ABCC3: variants seen among roughly 807,000 people sequenced by gnomAD.
ABCC3 encodes the protein ATP-binding cassette sub-family C member 3.
In ABCC3, 121 loss-of-function variants were observed where a neutral mutation model predicts 165.3. The ratio of observed to expected loss-of-function variants is 0.73; its 90% CI spans 0.63 to 0.85. The LOEUF (loss-of-function observed/expected upper bound fraction) is 0.85. Ranked by LOEUF, ABCC3 falls within the 40% of genes least tolerant of loss-of-function variation. The pLI is 0.00. For missense variants in ABCC3, 1,869 were observed against 1,964.1 expected (o/e 0.95, Z 0.92); for synonymous variants, 733 against 810.1 (o/e 0.90, Z 1.62).
At chr17:50,671,275 A>AG (rs1480505955) in intron 17 of ABCC3, among the ~76,000 whole-genome samples, 17 of 150,790 alleles carry the variant, frequency 1.1e-4, no homozygotes, top group African/African-American at 4.1e-4. Context: ...AAAAAAAAAG[A>AG]AAAAAAAACT....
intron 1 of ABCC3, among the ~76,000 whole-genome samples, chr17:50,646,903 G>A (rs558245272): frequency 1.3e-5 from 2 of 151,942 alleles, no homozygotes; most frequent in Admixed American, 6.6e-5. Context: ...TTTTTGAGAC[G>A]GAGTCTCCCT....
At chr17:50,657,782 A>C (rs1433494035) in intron 4 of ABCC3, among the ~76,000 whole-genome samples, 3 of 152,144 alleles carry the variant, frequency 2.0e-5, no homozygotes, top group African/African-American at 4.8e-5. Context: ...TCATTTCCTT[A>C]ATTGCAGAAA....
Position 50,683,615 on chromosome 17 carries a change from C to G in ABCC3, c.3813C>G (p.Pro1271=). 1.3e-6 allele frequency: 2 copies of G among 1,571,134 alleles called. No individual in the cohort carries two copies. The highest frequency in any genetic ancestry group is 1.7e-6 in the Non-Finnish European group (2 of 1,159,674). Residue 1271 remains proline, a synonymous_variant, in exon 27 of 31, where the codon CCC becomes CCG. Transcript: ENST00000285238. ...KEYSKTETEA[P]WVVEGSRPPE... ...CCATCTGCCCCTCCTGCCAGGCGCC[C>G]TGGGTGGTGGAAGGCAGCCGCCCTC...
At chr17:50,658,697 GC>G (rs1275021202) in intron 6 of ABCC3, among the ~76,000 whole-genome samples, 1 of 152,236 alleles carries the variant, frequency 6.6e-6, no homozygotes, top group East Asian at 1.9e-4. Context: ...GCCCAGTGCC[GC>G]CCCCAGGCTA....
intron 17 of ABCC3, among the ~76,000 whole-genome samples, chr17:50,670,215 T>C (rs1967618543): frequency 6.6e-6 from 1 of 152,120 alleles, no homozygotes; most frequent in Non-Finnish European, 1.5e-5. Context: ...CCCGAGTAGC[T>C]GGGATTACGG....
At position 50,691,417 on chromosome 17, in the gene ABCC3, A is replaced by G. The variant is rs1218955923; in HGVS notation, c.*217A>G. 2.0e-6 allele frequency: 1 copy of G among 512,776 alleles called. No homozygotes were observed. Among genetic ancestry groups the G allele is most frequent in the South Asian group, 2.2e-5 (1 of 44,820 alleles). 31.8% of individuals were successfully genotyped at this position (512,776 alleles called of 1,614,324 possible). On this transcript the variant is annotated 3_prime_UTR_variant, in exon 31 of 31. Coordinates refer to ENST00000285238, the MANE Select transcript of ABCC3 (RefSeq NM_003786.4). ...CACGCCTAAGGTCACAGCTAGTTTGAGCCAGTTAGACTAGTCCCCGGTCTC... is the reference window on the plus strand; with the variant it reads ...CACGCCTAAGGTCACAGCTAGTTTGGGCCAGTTAGACTAGTCCCCGGTCTC...
intron 1 of ABCC3, among the ~76,000 whole-genome samples, chr17:50,643,394 G>A (rs1346276507): frequency 6.6e-6 from 1 of 152,210 alleles, no homozygotes; most frequent in African/African-American, 2.4e-5. Context: ...TACTGAATAG[G>A]ACTACTGAAT....
Position 50,676,108 on chromosome 17 carries a change from T to A in ABCC3, c.3067+18T>A, listed in dbSNP as rs748353158. 3.1e-6 allele frequency: 5 copies of A among 1,613,788 alleles called. No individual in the cohort carries two copies. The Admixed American group carries it at 6.7e-5, about 22-fold the overall frequency. ...TCTGCAAGGTGAGCTTGTGGGGGTG[T>A]CCAGAAGGGGCTCCAATATCCCTTC... On this transcript the variant is annotated intron_variant, in intron 22 of 30. Transcript: ENST00000285238.
intron 1 of ABCC3, among the ~76,000 whole-genome samples, chr17:50,651,692 C>T (rs1413752893): frequency 1.3e-5 from 2 of 152,148 alleles, no homozygotes; most frequent in Admixed American, 1.3e-4. Context: ...GCCACTTGCA[C>T]TCCAGAGTAG....
intron 19 of ABCC3, among the ~76,000 whole-genome samples, chr17:50,673,964 C>CTT (rs1567835504): frequency 8.6e-5 from 2 of 23,172 alleles, no homozygotes; most frequent in Non-Finnish European, 7.8e-5. Context: ...TTCTTTCTTT[C>CTT]TTTCTTTCTT....
At chr17:50,660,082 A>G (rs1175974965) in intron 7 of ABCC3, among the ~76,000 whole-genome samples, 2 of 152,162 alleles carry the variant, frequency 1.3e-5, no homozygotes, top group African/African-American at 4.8e-5. Flanking sequence ...TGGAATCCAC[A>G]TGGAGCCGGC....
chr17:50,651,066 G>GAAAAAAAAAAAAAA (rs57837230), intron 1 of ABCC3, among the ~76,000 whole-genome samples: 1 of 84,284 alleles, frequency 1.2e-5, no homozygotes, highest in Non-Finnish European at 2.1e-5. Flanking sequence ...CTCCATCTCA[G>GAAAAAAAAAAAAAA]AAAAAAAAAA....
In ABCC3 at chr17:50,667,922, C is replaced by T. The variant is rs149253830; in HGVS notation, c.1695C>T (p.Ala565=). The T allele has an allele frequency of 2.5e-4, 400 of 1,614,140 alleles. No homozygotes were observed. The highest frequency in any genetic ancestry group is 3.3e-4 in the Middle Eastern group (2 of 6,062). Residue 565 remains alanine (A), a synonymous_variant, in exon 13 of 31, where the codon GCC becomes GCT. Transcript: ENST00000285238. ...VYVDPNNVLD[A]EKAFVSVSLF... ...TGGACCCAAACAATGTGCTGGACGC[C>T]GAGAAGGCCTTTGTGTCTGTGTCCT...
intron 4 of ABCC3, 101 bp downstream of exon 4, chr17:50,657,284 C>A: frequency 1.4e-6 from 2 of 1,444,302 alleles, no homozygotes; most frequent in South Asian, 1.3e-5. Context: ...TCCCTCGAGG[C>A]TTCAAGTACA....
chr17:50,687,288 A>G (rs1456308420), intron 29 of ABCC3: 4 of 473,856 alleles, frequency 8.4e-6, no homozygotes, highest in African/African-American at 5.8e-5. Flanking sequence ...AGAGGAGGCC[A>G]AGGGTGCCAA....
chr17:50,641,321 T>G (rs1483184680), intron 1 of ABCC3, among the ~76,000 whole-genome samples: 1 of 152,206 alleles, frequency 6.6e-6, no homozygotes, highest in Non-Finnish European at 1.5e-5. Context: ...GGCTCAGCTC[T>G]CACCTCCCAG....
intron 24 of ABCC3, 45 bp from the exon 25 acceptor site, chr17:50,678,048 C>T: frequency 6.2e-7 from 1 of 1,613,828 alleles, no homozygotes; most frequent in Non-Finnish European, 8.5e-7. Flanking sequence ...AAAACTGGCC[C>T]TGCCCTGCCC....
In ABCC3 at chr17:50,691,112, G is replaced by A. The variant is rs1968115433; in HGVS notation, c.4496G>A (p.Gly1499Glu). 6.2e-7 allele frequency: 1 copy of A among 1,613,984 alleles called. No homozygotes were observed. Among genetic ancestry groups the A allele is most frequent in the African/African-American group, 1.3e-5 (1 of 74,938 alleles). ...ACTAGGGTCCTGGTCCTGGACAAAG[G>A]AGTAGTAGCTGAATTTGATTCTCCA... ...DYTRVLVLDK[G>E]VVAEFDSPAN... Residue 1499 changes from glycine to glutamate, a missense_variant, in exon 31 of 31, where the codon GGA becomes GAA. Coordinates refer to ENST00000285238, the MANE Select transcript of ABCC3 (RefSeq NM_003786.4).
intron 3 of ABCC3, 100 bp from the exon 4 acceptor site, chr17:50,656,946 G>T: frequency 1.3e-6 from 2 of 1,550,760 alleles, no homozygotes; most frequent in Non-Finnish European, 8.7e-7. Context: ...GAAGAAGAAG[G>T]GGGTGGCCCC....
Sources: allele counts gnomAD v4.1 joint callset (sites outside exome capture counted in the v4.1 genomes callset), GRCh38; gene constraint gnomAD v4.1.1; transcripts MANE v1.5; gene names NCBI Gene and HGNC (gene_info 2026-07-23, HGNC 2026-07-21).